The following CARMIL1 variants were observed in gnomAD, a reference collection of about 807,000 sequenced individuals.
CARMIL1 encodes capping protein regulator and myosin 1 linker 1.
A neutral mutation model predicts 177.1 loss-of-function variants in CARMIL1; 90 were observed. The ratio of observed to expected loss-of-function variants is 0.51; its 90% CI spans 0.43 to 0.61. CARMIL1 has a LOEUF of 0.61. Ranked by LOEUF, CARMIL1 falls within the 20% of genes least tolerant of loss-of-function variation. CARMIL1 has a pLI of 0.00. For missense variants in CARMIL1, 1,380 were observed against 1,667.0 expected (o/e 0.83, Z 3.00); for synonymous variants, 577 against 606.2 (o/e 0.95, Z 0.71).
chr6:25,537,727 GA>G (rs1808445148), intron 24 of CARMIL1, 127 bp from the exon 25 acceptor site: 14 of 1,062,032 alleles, frequency 1.3e-5, no homozygotes, highest in Non-Finnish European at 1.6e-5. Context: ...AGAAGGGTTT[GA>G]GGTTTTCATC....
chr6:25,495,177 CAA>C lies in CARMIL1; in HGVS notation c.1288_1289del (p.Asn430ProfsTer9). The C allele has an allele frequency of 6.2e-7, 1 of 1,613,206 alleles. No individual in the cohort carries two copies. The highest frequency in any genetic ancestry group is 8.5e-7 in the Non-Finnish European group (1 of 1,179,498). On this transcript the variant is annotated frameshift_variant, in exon 16 of 37. Transcript: ENST00000329474. LOFTEE classifies it high-confidence loss of function. ...GTAGTTCTCTGGCTTTGATGCACAT[CAA>C]CCTTTCAGGCACAAAACTGTCTCCT... ...FSSSLALMHI[N>X]LSGTKLSPEP...
At chr6:25,332,763 A>ACACACACACACACACACACG (rs1245154875) in intron 2 of CARMIL1, among the ~76,000 whole-genome samples, 1 of 119,456 alleles carries the variant, frequency 8.4e-6, no homozygotes, top group East Asian at 2.0e-4. Flanking sequence ...ACACACACAC[A>ACACACACACACACACACACG]CACACACACG....
At chr6:25,447,093 G>A (rs935787628) in intron 5 of CARMIL1, among the ~76,000 whole-genome samples, 5 of 152,220 alleles carry the variant, frequency 3.3e-5, no homozygotes, top group Non-Finnish European at 5.9e-5. Context: ...CCAGAATGTG[G>A]CACAGAGACA....
At chr6:25,476,692 T>G (rs1313090853) in intron 11 of CARMIL1, among the ~76,000 whole-genome samples, 1 of 152,196 alleles carries the variant, frequency 6.6e-6, no homozygotes, top group African/African-American at 2.4e-5. Context: ...AGTGATGGTA[T>G]TTTGTGTTTA....
At chr6:25,486,869 A>C (rs558944598) in intron 12 of CARMIL1, among the ~76,000 whole-genome samples, 28 of 152,258 alleles carry the variant, frequency 1.8e-4, no homozygotes, top group African/African-American at 6.3e-4. Context: ...ATTGAAATGA[A>C]TATTCCTTGT....
At chr6:25,280,845 A>G (rs1781034006) in intron 1 of CARMIL1, among the ~76,000 whole-genome samples, 1 of 152,130 alleles carries the variant, frequency 6.6e-6, no homozygotes, top group East Asian at 1.9e-4. Context: ...TACAGCTCAC[A>G]AAGATGATGT....
chr6:25,550,373 C>T (rs1028231602), intron 26 of CARMIL1, among the ~76,000 whole-genome samples: 1 of 152,122 alleles, frequency 6.6e-6, no homozygotes, highest in African/African-American at 2.4e-5. Flanking sequence ...TTACCTAAAG[C>T]TTTTCTTTTA....
Position 25,309,354 on chromosome 6 carries a change from C to CA in CARMIL1, c.138+24467dup, listed in dbSNP as rs70975001. On this transcript the variant is annotated intron_variant, in intron 2 of 36. Transcript: ENST00000329474. ...TGGGTAACAGAGCAAGAGTCCCTCT[C>CA]AAAAAAAAAAAAAAAAAAAAAAGTA... 5.1e-3 allele frequency among the ~76,000 whole-genome samples: 436 copies of CA among 85,410 alleles called. 2 individuals carry two copies. Among genetic ancestry groups the CA allele is most frequent in the Admixed American group, 9.8e-3 (73 of 7,450 alleles). The allele number at this position is 85,410 out of a possible 152,430, so 56.0% of individuals were successfully genotyped here. A position where few individuals can be genotyped will look rare whatever the true frequency, so the allele number is the denominator to read the frequency against.
At chr6:25,590,493 A>G (rs984378028) in intron 31 of CARMIL1, among the ~76,000 whole-genome samples, 1 of 152,166 alleles carries the variant, frequency 6.6e-6, no homozygotes, top group Non-Finnish European at 1.5e-5. Context: ...TACTATCTCC[A>G]TAAAATTGAT....
At position 25,390,320 on chromosome 6, in the gene CARMIL1, A is replaced by ATTTTTTT. The variant is rs1287414586; in HGVS notation, c.139-29781_139-29775dup. 5.0e-4 allele frequency among the ~76,000 whole-genome samples: 29 copies of ATTTTTTT among 58,094 alleles called. 1 individual carries two copies. The highest frequency in any genetic ancestry group is 6.5e-4 in the South Asian group (1 of 1,542). 38.1% of individuals were successfully genotyped at this position (58,094 alleles called of 152,430 possible). A position where few individuals can be genotyped will look rare whatever the true frequency, so the allele number is the denominator to read the frequency against. On this transcript the variant is annotated intron_variant, in intron 2 of 36. Coordinates refer to ENST00000329474, the MANE Select transcript of CARMIL1 (RefSeq NM_017640.6). ...TATATATATATATATATATATATAT[A>ATTTTTTT]TTTTTTTTTTTTTTTTTTTGAGACA...
intron 2 of CARMIL1, among the ~76,000 whole-genome samples, chr6:25,307,355 G>T (rs544193095): frequency 6.6e-6 from 1 of 152,272 alleles, no homozygotes; most frequent in East Asian, 1.9e-4. Flanking sequence ...AATGTCTGTT[G>T]TTTGGATACC....
intron 26 of CARMIL1, among the ~76,000 whole-genome samples, chr6:25,546,669 C>CAAA (rs58285338): frequency 5.7e-3 from 659 of 114,816 alleles, no homozygotes; most frequent in Non-Finnish European, 7.5e-3. Flanking sequence ...ACAACAACAA[C>CAAA]AAAAAAAAAA....
At chr6:25,327,042 T>C (rs9366617) in intron 2 of CARMIL1, among the ~76,000 whole-genome samples, 40,682 of 151,938 alleles carry the variant, frequency 0.27, 5,849 homozygotes, top group African/African-American at 0.39. Flanking sequence ...GAGCGTACAG[T>C]CCAGAGGGAA....
At chr6:25,323,432 A>G (rs1454439418) in intron 2 of CARMIL1, among the ~76,000 whole-genome samples, 1 of 151,288 alleles carries the variant, frequency 6.6e-6, no homozygotes, top group East Asian at 1.9e-4. Flanking sequence ...AAAAAAAAAA[A>G]AAAAAAAAGG....
intron 2 of CARMIL1, among the ~76,000 whole-genome samples, chr6:25,331,627 C>T (rs963451014): frequency 8.5e-5 from 13 of 152,216 alleles, no homozygotes; most frequent in African/African-American, 3.1e-4. Flanking sequence ...ATCTGAGTCT[C>T]TTGCAGGACC....
intron 2 of CARMIL1, among the ~76,000 whole-genome samples, chr6:25,395,826 A>G (rs73383476): frequency 0.023 from 3,471 of 152,336 alleles, 106 homozygotes; most frequent in African/African-American, 0.075. Flanking sequence ...GACATAAGCA[A>G]GTGGAAAGGT....
chr6:25,543,055 A>G (rs1434500102), intron 26 of CARMIL1, among the ~76,000 whole-genome samples: 1 of 152,178 alleles, frequency 6.6e-6, no homozygotes, highest in Non-Finnish European at 1.5e-5. Flanking sequence ...TTGTAAAAAT[A>G]GTTTTTATTA....
intron 31 of CARMIL1, among the ~76,000 whole-genome samples, chr6:25,584,564 A>G (rs1374135050): frequency 6.6e-6 from 1 of 151,902 alleles, no homozygotes; most frequent in Non-Finnish European, 1.5e-5. Flanking sequence ...TCAGAAATGC[A>G]GACTCAAAGA....
chr6:25,484,577 A>G (rs1239397833), intron 12 of CARMIL1, among the ~76,000 whole-genome samples: 1 of 152,238 alleles, frequency 6.6e-6, no homozygotes, highest in Non-Finnish European at 1.5e-5. Context: ...GTTCCACTTC[A>G]GCAAATCCAT....
Sources: allele counts gnomAD v4.1 joint callset (sites outside exome capture counted in the v4.1 genomes callset), GRCh38; gene constraint gnomAD v4.1.1; transcripts MANE v1.5; gene names NCBI Gene and HGNC (gene_info 2026-07-23, HGNC 2026-07-21).